TIMP3: variants seen among roughly 807,000 people sequenced by gnomAD.
The protein encoded by TIMP3 is TIMP metallopeptidase inhibitor 3.
In TIMP3, 11 loss-of-function variants were observed where a neutral mutation model predicts 30.0. That is an observed-to-expected ratio of 0.37 (90% CI 0.23 to 0.61). The LOEUF is 0.61. Among genes scored for constraint, TIMP3 ranks in the 20% least tolerant of loss-of-function variants. The probability of loss-of-function intolerance (pLI) is 0.70; values close to 1 mark genes in which losing one functional copy is unlikely to be tolerated. For synonymous variants in TIMP3, 112 were observed against 111.3 expected, an observed-to-expected ratio of 1.01 and a Z score of -0.04; for missense variants, 181 against 276.8, an observed-to-expected ratio of 0.65 and a Z score of 2.45.
intron 1 of TIMP3, among the ~76,000 whole-genome samples, chr22:32,814,133 TGTGTGTGTGAGAGAGAGAGA>T (rs2046995249): frequency 4.0e-5 from 3 of 75,622 alleles, no homozygotes; most frequent in African/African-American, 8.4e-5. Context: ...TGTGTGTGTG[TGTGTGTGTGAGAGAGAGAGA>T]GAGAGAGAGA....
chr22:32,804,178 C>T (rs1028486196), intron 1 of TIMP3, among the ~76,000 whole-genome samples: 1 of 152,238 alleles, frequency 6.6e-6, no homozygotes, highest in East Asian at 1.9e-4. Flanking sequence ...ATCTTCGATG[C>T]TCTGGCACGG....
intron 1 of TIMP3, among the ~76,000 whole-genome samples, chr22:32,824,622 G>A (rs947022887): frequency 1.3e-5 from 2 of 152,166 alleles, no homozygotes; most frequent in African/African-American, 4.8e-5. Context: ...TTAGAGGCAT[G>A]CATGTATGAT....
chr22:32,803,426 G>A (rs1253845517), intron 1 of TIMP3, among the ~76,000 whole-genome samples: 1 of 152,160 alleles, frequency 6.6e-6, no homozygotes, highest in East Asian at 1.9e-4. Context: ...GAGTGGGGGT[G>A]TGGTGACCAG....
At chr22:32,807,962 A>T (rs1335089729) in intron 1 of TIMP3, among the ~76,000 whole-genome samples, 1 of 152,114 alleles carries the variant, frequency 6.6e-6, no homozygotes, top group African/African-American at 2.4e-5. Context: ...ATTTTTATTG[A>T]CTTACTGAGT....
Position 32,859,270 on chromosome 22 carries a change from T to C in TIMP3, c.529T>C (p.Tyr177His). The change falls in exon 5 of 5, where the codon TAC becomes CAC. Residue 177 changes from tyrosine to histidine, a missense_variant. Physicochemically the swap from Tyr to His is moderately conservative, Grantham distance 83 (BLOSUM62 2). Coordinates refer to ENST00000266085, the MANE Select transcript of TIMP3 (RefSeq NM_000362.5). ...GCTCTCCAATTTCGGTTACCCTGGC[T>C]ACCAGTCCAAACACTACGCCTGCAT... ...DMLSNFGYPGYQSKHYACIRQ... is the reference protein window; with the variant it reads ...DMLSNFGYPGHQSKHYACIRQ... 6.2e-7 allele frequency: 1 copy of C among 1,614,196 alleles called. No homozygotes were observed. The highest frequency in any genetic ancestry group is 8.5e-7 in the Non-Finnish European group (1 of 1,180,034).
At chr22:32,822,727 A>G (rs1219382543) in intron 1 of TIMP3, among the ~76,000 whole-genome samples, 1 of 152,240 alleles carries the variant, frequency 6.6e-6, no homozygotes, top group Non-Finnish European at 1.5e-5. Context: ...TATTAAAATC[A>G]GAAGTCAAAG....
chr22:32,813,486 T>TACACACAC (rs130277), intron 1 of TIMP3, among the ~76,000 whole-genome samples: 13 of 138,286 alleles, frequency 9.4e-5, no homozygotes, highest in South Asian at 5.1e-4. Context: ...TCTGAAAAGA[T>TACACACAC]ACACACACAC....
chr22:32,859,167 T>TATCTA lies in TIMP3; in HGVS notation c.439-10_439-6dup. The TATCTA allele has an allele frequency of 6.2e-7, 1 of 1,614,164 alleles. No homozygotes were observed. Among genetic ancestry groups the TATCTA allele is most frequent in the Non-Finnish European group, 8.5e-7 (1 of 1,179,998 alleles). On this transcript the variant is annotated splice_polypyrimidine_tract_variant and intron_variant, in intron 4 of 4. Transcript: ENST00000266085. The stretch of plus-strand genomic sequence containing the variant: ...GCAGAGTCCATCAACTGCTGCCTGT[T>TATCTA]ATCTAATTGCAGATCAAGTCCTGCT...
At chr22:32,847,087 C>G (rs1050917964) in intron 1 of TIMP3, among the ~76,000 whole-genome samples, 4 of 152,184 alleles carry the variant, frequency 2.6e-5, no homozygotes, top group Non-Finnish European at 5.9e-5. Context: ...TCCCACACCC[C>G]CCGGCCAAGA....
chr22:32,804,895 C>T (rs1025968876), intron 1 of TIMP3, among the ~76,000 whole-genome samples: 3 of 152,162 alleles, frequency 2.0e-5, no homozygotes, highest in African/African-American at 7.2e-5. Flanking sequence ...AACCTTGACT[C>T]TAGAAGAGGA....
At chr22:32,807,356 ATATATAATATATAT>A (rs1297855728) in intron 1 of TIMP3, among the ~76,000 whole-genome samples, 1 of 4,116 alleles carries the variant, frequency 2.4e-4, no homozygotes, top group East Asian at 8.6e-3. Context: ...TAAATATATA[ATATATAATATATAT>A]TATATATAAT....
At position 32,837,321 on chromosome 22, in the gene TIMP3, T is replaced by C. The variant is rs2047761465; in HGVS notation, c.122-12131T>C. On this transcript the variant is annotated intron_variant, in intron 1 of 4. Transcript: ENST00000266085. This position sits in a 1 kb window ranked among gnomAD's most constrained non-coding sequence, Gnocchi z 4.1. ...GAGAGGCTGGAGCACTCTCAGGGGA[T>C]AGGGGGTGGTCTCAGCCCCCCTCAC... Among the ~76,000 whole-genome samples, 1 of 152,066 alleles carries C rather than the reference T, an allele frequency of 6.6e-6. No homozygotes were observed. The highest frequency in any genetic ancestry group is 2.4e-5 in the African/African-American group (1 of 41,428).
intron 1 of TIMP3, among the ~76,000 whole-genome samples, chr22:32,825,657 CAAAAAAAAAAAAAAAAAAAAAAAA>C (rs130292): frequency 4.2e-4 from 12 of 28,594 alleles, no homozygotes; most frequent in South Asian, 4.6e-3. Context: ...GTTTCCATCT[CAAAAAAAAAAAAAAAAAAAAAAAA>C]AAAAAAAAAA....
At chr22:32,821,710 GGA>G (rs1482522266) in intron 1 of TIMP3, among the ~76,000 whole-genome samples, 1 of 152,176 alleles carries the variant, frequency 6.6e-6, no homozygotes, top group African/African-American at 2.4e-5. Flanking sequence ...TCCAGGGGGT[GGA>G]TTCCTGAACC....
At chr22:32,821,690 G>A (rs937886388) in intron 1 of TIMP3, among the ~76,000 whole-genome samples, 9 of 152,246 alleles carry the variant, frequency 5.9e-5, no homozygotes, top group Middle Eastern at 3.4e-3. Flanking sequence ...GGGAGTGGGG[G>A]AAAGCAGCTT....
intron 4 of TIMP3, 49 bp downstream of exon 4, chr22:32,858,187 C>T: frequency 6.2e-7 from 1 of 1,606,520 alleles, no homozygotes; most frequent in Non-Finnish European, 8.5e-7. Flanking sequence ...TGACTTGCAG[C>T]CCTAGAAACA....
chr22:32,859,538 T>C lies in TIMP3; in HGVS notation c.*161T>C. Reference sequence around the variant, plus strand: ...GTCTATGCTGTCATATGGGGTTTATTGGGAACTATCCTCCTGGCCCCACCC... The same window carrying C: ...GTCTATGCTGTCATATGGGGTTTATCGGGAACTATCCTCCTGGCCCCACCC... On this transcript the variant is annotated 3_prime_UTR_variant, in exon 5 of 5. Coordinates refer to ENST00000266085, the MANE Select transcript of TIMP3 (RefSeq NM_000362.5). 1 of 922,362 alleles carries C rather than the reference T, an allele frequency of 1.1e-6. No individual in the cohort carries two copies. The highest frequency in any genetic ancestry group is 1.6e-6 in the Non-Finnish European group (1 of 627,494). The allele number at this position is 922,362 out of a possible 1,614,324, so 57.1% of individuals were successfully genotyped here.
chr22:32,857,250 T>G lies in TIMP3; in HGVS notation c.206T>G (p.Met69Arg), dbSNP rs1307995319. Residue 69 changes from methionine to arginine, a missense_variant and splice_region_variant, in exon 3 of 5, where the codon ATG (methionine) becomes AGG (arginine). This residue lies in a region of TIMP3 where 63 missense variants were observed against 133.3 expected (regional missense o/e 0.47). Coordinates refer to ENST00000266085, the MANE Select transcript of TIMP3 (RefSeq NM_000362.5). The part of the protein sequence containing the change: ...TLVYTIKQMK[M>R]YRGFTKMPHV... ...TCATGATGTTCCTTTTGCCCACAGATGTACCGAGGCTTCACCAAGATGCCC... is the reference window on the plus strand; with the variant it reads ...TCATGATGTTCCTTTTGCCCACAGAGGTACCGAGGCTTCACCAAGATGCCC... The G allele has an allele frequency of 1.9e-6, 3 of 1,612,762 alleles. No individual in the cohort carries two copies. The highest frequency in any genetic ancestry group is 2.5e-6 in the Non-Finnish European group (3 of 1,178,922).
chr22:32,835,289 T>A (rs2047697843), intron 1 of TIMP3, among the ~76,000 whole-genome samples: 1 of 152,178 alleles, frequency 6.6e-6, no homozygotes, highest in African/African-American at 2.4e-5. Context: ...CACTGTGAGA[T>A]GTTGCGGTTA....
Sources: allele counts gnomAD v4.1 joint callset (sites outside exome capture counted in the v4.1 genomes callset), GRCh38; gene constraint gnomAD v4.1.1; regional missense constraint gnomAD v4.1.1; non-coding constraint Gnocchi (gnomAD v3.1); transcripts MANE v1.5; gene names NCBI Gene and HGNC (gene_info 2026-07-23, HGNC 2026-07-21).